ANKRD44: variants seen among roughly 807,000 people sequenced by gnomAD.
ANKRD44 encodes ankyrin repeat domain 44, also known as serine/threonine-protein phosphatase 6 regulatory ankyrin repeat subunit B.
A neutral mutation model predicts 116.0 loss-of-function variants in ANKRD44; 35 were observed. The observed-to-expected ratio is 0.30, with a 90% CI of 0.23 to 0.40. The LOEUF (loss-of-function observed/expected upper bound fraction) is 0.40, where lower values mean the gene tolerates loss of function less well. ANKRD44 is among the 10% of genes least tolerant of loss of function. The pLI is 1.00. For synonymous variants in ANKRD44, 435 were observed against 461.8 expected, an observed-to-expected ratio of 0.94 and a Z score of 0.74; for missense variants, 1,014 against 1,242.6, an observed-to-expected ratio of 0.82 and a Z score of 2.77.
intron 18 of ANKRD44, among the ~76,000 whole-genome samples, chr2:197,011,644 T>C (rs112853798): frequency 0.082 from 12,408 of 152,070 alleles, 665 homozygotes; most frequent in African/African-American, 0.15. Context: ...AGCTAAGTTT[T>C]GTATTTTTAG....
chr2:197,122,482 G>A (rs188813289), intron 7 of ANKRD44, among the ~76,000 whole-genome samples, 168 bp downstream of exon 7: 168 of 152,312 alleles, frequency 1.1e-3, no homozygotes, highest in Non-Finnish European at 1.9e-3. Flanking sequence ...TCTGCTTAGT[G>A]TATGCCCCCA....
At chr2:197,078,115 C>T (rs907416870) in intron 16 of ANKRD44, 1 of 154,240 alleles carries the variant, frequency 6.5e-6, no homozygotes, top group Non-Finnish European at 1.4e-5. Flanking sequence ...GAACAGCACA[C>T]ATTATTAAGA....
chr2:197,141,952 C>T (rs150026457), intron 3 of ANKRD44, among the ~76,000 whole-genome samples: 1 of 152,304 alleles, frequency 6.6e-6, no homozygotes, highest in African/African-American at 2.4e-5. Flanking sequence ...CATTATTTAC[C>T]TGCCTGTCAG....
chr2:197,282,645 T>C (rs868739891), intron 1 of ANKRD44, among the ~76,000 whole-genome samples: 2 of 152,134 alleles, frequency 1.3e-5, no homozygotes, highest in South Asian at 2.1e-4. Flanking sequence ...CATACTACAG[T>C]GTTCTTTATA....
chr2:196,995,555 G>T, intron 25 of ANKRD44, 94 bp from the exon 26 acceptor site: 1 of 958,096 alleles, frequency 1.0e-6, no homozygotes, highest in Non-Finnish European at 1.6e-6. Flanking sequence ...GAAAATGAAT[G>T]TCGTCTGCCT....
intron 2 of ANKRD44, among the ~76,000 whole-genome samples, chr2:197,174,429 C>T (rs987507430): frequency 1.3e-5 from 2 of 152,112 alleles, no homozygotes; most frequent in African/African-American, 2.4e-5. Context: ...GAATCTGGAA[C>T]ATATAATGTT....
chr2:197,036,732 G>C (rs1302441511), intron 16 of ANKRD44, among the ~76,000 whole-genome samples: 1 of 152,126 alleles, frequency 6.6e-6, no homozygotes, highest in Admixed American at 6.6e-5. Context: ...GTAAGGAAAG[G>C]CTAATGAAAT....
intron 21 of ANKRD44, among the ~76,000 whole-genome samples, chr2:197,004,489 G>A (rs796736516): frequency 3.3e-5 from 5 of 152,172 alleles, no homozygotes; most frequent in African/African-American, 1.2e-4. Flanking sequence ...AACAGTGGAT[G>A]GAAAAAGTAA....
At chr2:197,180,073 G>A (rs1229117368) in intron 2 of ANKRD44, among the ~76,000 whole-genome samples, 3 of 60,186 alleles carry the variant, frequency 5.0e-5, no homozygotes, top group Admixed American at 2.2e-4. Flanking sequence ...CCCCCACCCC[G>A]GCCCCTAATC....
At chr2:197,238,546 T>C (rs143310715) in intron 1 of ANKRD44, among the ~76,000 whole-genome samples, 94 of 152,220 alleles carry the variant, frequency 6.2e-4, no homozygotes, top group African/African-American at 2.0e-3. Flanking sequence ...ATAGAAGGAT[T>C]AGGTTCAGCA....
At chr2:197,001,877 A>G in intron 21 of ANKRD44, 37 bp from the exon 22 acceptor site, 1 of 1,545,020 alleles carries the variant, frequency 6.5e-7, no homozygotes. Flanking sequence ...AGTTTCCAAG[A>G]AAGAAATTTT....
At chr2:197,151,889 T>C (rs2079660837) in intron 2 of ANKRD44, among the ~76,000 whole-genome samples, 1 of 152,164 alleles carries the variant, frequency 6.6e-6, no homozygotes, top group African/African-American at 2.4e-5. Context: ...TGGTGAATAC[T>C]TCCCCCAAAC....
intron 1 of ANKRD44, among the ~76,000 whole-genome samples, chr2:197,195,270 G>A (rs2080920660): frequency 6.6e-6 from 1 of 152,106 alleles, no homozygotes; most frequent in Non-Finnish European, 1.5e-5. Context: ...CATGAGCACT[G>A]TACCCAGCCT....
At chr2:197,101,613 A>T (rs2078295731) in intron 9 of ANKRD44, among the ~76,000 whole-genome samples, 1 of 152,208 alleles carries the variant, frequency 6.6e-6, no homozygotes, top group Non-Finnish European at 1.5e-5. Context: ...CACAATAAAA[A>T]AAAAGGCTTG....
intron 1 of ANKRD44, among the ~76,000 whole-genome samples, chr2:197,261,329 C>T (rs2082597406): frequency 6.6e-6 from 1 of 151,760 alleles, no homozygotes; most frequent in South Asian, 2.1e-4. Flanking sequence ...ATTTATTAAA[C>T]AGGGAATCCT....
At chr2:196,979,857 C>T (rs955328803) in intron 21 of ANKRD44, among the ~76,000 whole-genome samples, 2 of 152,024 alleles carry the variant, frequency 1.3e-5, no homozygotes, top group Non-Finnish European at 1.5e-5. Context: ...CCACCGTGCC[C>T]GGCCAATAAG....
At chr2:197,130,421 T>C (rs905042338) in intron 4 of ANKRD44, among the ~76,000 whole-genome samples, 1 of 152,182 alleles carries the variant, frequency 6.6e-6, no homozygotes, top group Non-Finnish European at 1.5e-5. Context: ...GTATGACCAG[T>C]GTTTAATCTC....
At chr2:197,137,417 T>C (rs2079245843) in intron 3 of ANKRD44, among the ~76,000 whole-genome samples, 1 of 152,116 alleles carries the variant, frequency 6.6e-6, no homozygotes, top group South Asian at 2.1e-4. Context: ...AGGTGGCGCC[T>C]CAGGACAAGG....
chr2:197,205,012 C>T (rs534628415), intron 1 of ANKRD44, among the ~76,000 whole-genome samples: 1 of 152,356 alleles, frequency 6.6e-6, no homozygotes, highest in South Asian at 2.1e-4. Context: ...CTGCCCATCC[C>T]TGATGTGCTC....
Sources: allele counts gnomAD v4.1 joint callset (sites outside exome capture counted in the v4.1 genomes callset), GRCh38; gene constraint gnomAD v4.1.1; transcripts MANE v1.5; gene names NCBI Gene and HGNC (gene_info 2026-07-23, HGNC 2026-07-21).